MAML2: variants seen among roughly 807,000 people sequenced by gnomAD.
The protein encoded by MAML2 is mastermind like transcriptional coactivator 2.
Under a neutral mutation model 96.1 loss-of-function variants are expected in MAML2, and 22 were observed. That is an observed-to-expected ratio of 0.23 (90% CI 0.16 to 0.33). The LOEUF is 0.33. Ranked by LOEUF, MAML2 falls within the 10% of genes least tolerant of loss-of-function variation. The pLI, the probability that MAML2 is intolerant of heterozygous loss-of-function variation, is 1.00. For missense variants in MAML2, 1,367 were observed against 1,392.4 expected (o/e 0.98, Z 0.29); for synonymous variants, 561 against 521.3 (o/e 1.08, Z -1.04).
At chr11:96,118,692 A>C (rs1337880660) in intron 1 of MAML2, among the ~76,000 whole-genome samples, 1 of 152,192 alleles carries the variant, frequency 6.6e-6, no homozygotes, top group East Asian at 1.9e-4. Flanking sequence ...GAAGGTAGGA[A>C]CAATCTTCTG....
intron 2 of MAML2, among the ~76,000 whole-genome samples, chr11:96,032,098 G>A (rs1858625088): frequency 1.3e-5 from 2 of 152,212 alleles, no homozygotes; most frequent in African/African-American, 2.4e-5. Context: ...AGTTTTAAAT[G>A]TCCACAAATT....
At chr11:96,013,210 GT>G (rs1432981343) in intron 2 of MAML2, among the ~76,000 whole-genome samples, 1 of 152,122 alleles carries the variant, frequency 6.6e-6, no homozygotes, top group East Asian at 1.9e-4. Flanking sequence ...CAAACATATT[GT>G]TTTTCCAATA....
chr11:96,162,841 C>T (rs916983883), intron 1 of MAML2, among the ~76,000 whole-genome samples: 5 of 152,126 alleles, frequency 3.3e-5, no homozygotes, highest in African/African-American at 1.2e-4. Context: ...GCCCTAGATG[C>T]GAAAAGCCTG....
chr11:96,329,065 T>A (rs1863821404), intron 1 of MAML2, among the ~76,000 whole-genome samples: 1 of 152,144 alleles, frequency 6.6e-6, no homozygotes, highest in African/African-American at 2.4e-5. Flanking sequence ...AGTAAGAGGC[T>A]CTACAGAATA....
chr11:96,108,087 G>A (rs568202484), intron 1 of MAML2, among the ~76,000 whole-genome samples: 3 of 152,350 alleles, frequency 2.0e-5, no homozygotes, highest in African/African-American at 4.8e-5. Context: ...TAAGGCTTGT[G>A]ACTGGCATCT....
intron 1 of MAML2, among the ~76,000 whole-genome samples, chr11:96,223,543 C>CT (rs917721286): frequency 3.3e-5 from 5 of 149,824 alleles, no homozygotes; most frequent in South Asian, 2.1e-4. Context: ...CAGGTATTTT[C>CT]TTTTTTTTTC....
intron 1 of MAML2, among the ~76,000 whole-genome samples, chr11:96,242,015 C>A (rs1160507621): frequency 2.0e-5 from 3 of 152,144 alleles, no homozygotes; most frequent in Non-Finnish European, 4.4e-5. Flanking sequence ...CATGAGAGCC[C>A]ATGCAAGTGT....
chr11:96,291,167 T>A (rs1291473862), intron 1 of MAML2, among the ~76,000 whole-genome samples: 1 of 128,322 alleles, frequency 7.8e-6, no homozygotes, highest in Non-Finnish European at 1.6e-5. Flanking sequence ...CTGTTGCTGC[T>A]CACTCTGGAG....
At chr11:96,163,544 T>C (rs554576584) in intron 1 of MAML2, among the ~76,000 whole-genome samples, 2 of 152,212 alleles carry the variant, frequency 1.3e-5, no homozygotes, top group African/African-American at 4.8e-5. Context: ...TTAGACAAGG[T>C]CACGGCTAGG....
intron 1 of MAML2, among the ~76,000 whole-genome samples, chr11:96,199,319 T>C (rs1343709335): frequency 2.0e-5 from 3 of 151,344 alleles, no homozygotes; most frequent in Non-Finnish European, 4.4e-5. Flanking sequence ...GGAAGCCCCA[T>C]GATAAGGTGG....
At chr11:96,115,773 C>T (rs909144549) in intron 1 of MAML2, among the ~76,000 whole-genome samples, 5 of 151,970 alleles carry the variant, frequency 3.3e-5, no homozygotes, top group Non-Finnish European at 5.9e-5. Flanking sequence ...ATAGGATGGT[C>T]GGTGATAGTG....
intron 1 of MAML2, among the ~76,000 whole-genome samples, chr11:96,104,584 A>G (rs1859991437): frequency 6.6e-6 from 1 of 152,204 alleles, no homozygotes; most frequent in South Asian, 2.1e-4. Context: ...AGTTGACTCA[A>G]GCTGACCCTT....
intron 2 of MAML2, among the ~76,000 whole-genome samples, chr11:96,047,310 C>T (rs1226131293): frequency 6.6e-6 from 1 of 152,166 alleles, no homozygotes; most frequent in African/African-American, 2.4e-5. Context: ...AACTAACTCA[C>T]CTCCCAACCC....
At chr11:96,257,716 A>G (rs1447482958) in intron 1 of MAML2, among the ~76,000 whole-genome samples, 1 of 152,012 alleles carries the variant, frequency 6.6e-6, no homozygotes, top group Non-Finnish European at 1.5e-5. Context: ...AAAAACCTCT[A>G]TAATATTTCT....
At chr11:96,326,719 C>T (rs542904371) in intron 1 of MAML2, among the ~76,000 whole-genome samples, 3 of 151,590 alleles carry the variant, frequency 2.0e-5, no homozygotes, top group East Asian at 3.9e-4. Context: ...GAGCCGAGAT[C>T]GCACAATTGC....
chr11:96,007,363 C>A (rs1858199686), intron 2 of MAML2, among the ~76,000 whole-genome samples: 1 of 152,038 alleles, frequency 6.6e-6, no homozygotes, highest in East Asian at 1.9e-4. Flanking sequence ...TCTAGTATAT[C>A]TTTGGGTTCA....
At chr11:96,027,792 C>T in intron 2 of MAML2, among the ~76,000 whole-genome samples, 1 of 152,154 alleles carries the variant, frequency 6.6e-6, no homozygotes, top group East Asian at 1.9e-4. Context: ...AGTGCAGTGG[C>T]ATGATCATGG....
intron 2 of MAML2, among the ~76,000 whole-genome samples, chr11:96,017,391 TTCCC>T (rs527767459): frequency 4.6e-4 from 45 of 98,852 alleles, no homozygotes; most frequent in Non-Finnish European, 7.6e-4. Flanking sequence ...CTTTTCTCCC[TTCCC>T]TCCCTCCCTC....
chr11:96,015,592 G>GT (rs1177815040), intron 2 of MAML2, among the ~76,000 whole-genome samples: 1 of 128,510 alleles, frequency 7.8e-6, no homozygotes, highest in Non-Finnish European at 1.7e-5. Flanking sequence ...AAAGGGGGGG[G>GT]GGGCAATTCA....
Sources: allele counts gnomAD v4.1 joint callset (sites outside exome capture counted in the v4.1 genomes callset), GRCh38; gene constraint gnomAD v4.1.1; transcripts MANE v1.5; gene names NCBI Gene and HGNC (gene_info 2026-07-23, HGNC 2026-07-21).